Variants in REC114 observed in about 807,000 individuals in gnomAD.
REC114 encodes REC114 meiotic recombination protein, also known as meiotic recombination protein REC114.
REC114 carries 27 observed loss-of-function variants against 31.3 expected under a neutral mutation model. The observed-to-expected ratio is 0.86, with a 90% CI of 0.64 to 1.19. The LOEUF (loss-of-function observed/expected upper bound fraction) is 1.19. Ranked by LOEUF, REC114 falls within the 50% of genes most tolerant of loss-of-function variation. The pLI is 0.00. For missense variants in REC114, 344 were observed against 326.9 expected (o/e 1.05, Z -0.40); for synonymous variants, 134 against 127.7 (o/e 1.05, Z -0.33).
At chr15:73,522,867 G>A (rs949255835) in intron 2 of REC114, among the ~76,000 whole-genome samples, 1 of 152,280 alleles carries the variant, frequency 6.6e-6, no homozygotes. Flanking sequence ...GTTTTCCAAA[G>A]TGGTTGTACC....
chr15:73,536,906 A>T (rs897023151), intron 2 of REC114, among the ~76,000 whole-genome samples: 3 of 152,210 alleles, frequency 2.0e-5, no homozygotes, highest in Non-Finnish European at 4.4e-5. Context: ...TCAGGGGTAC[A>T]TGTGCAGGTT....
At chr15:73,545,345 C>T (rs1894294562) in intron 3 of REC114, among the ~76,000 whole-genome samples, 1 of 152,162 alleles carries the variant, frequency 6.6e-6, no homozygotes, top group African/African-American at 2.4e-5. Context: ...GCAAGAAGCT[C>T]TTTCTGACTT....
At chr15:73,541,216 G>A (rs1316643544) in intron 3 of REC114, among the ~76,000 whole-genome samples, 1 of 152,126 alleles carries the variant, frequency 6.6e-6, no homozygotes, top group Admixed American at 6.5e-5. Context: ...AATTCAGGGG[G>A]TCCATGAACT....
chr15:73,462,666 A>C (rs112838897), intron 1 of REC114, among the ~76,000 whole-genome samples: 1 of 152,118 alleles, frequency 6.6e-6, no homozygotes, highest in Admixed American at 6.5e-5. Context: ...CAGGCGGATC[A>C]TGAGGTCAGG....
At chr15:73,474,437 T>G (rs916905237) in intron 2 of REC114, among the ~76,000 whole-genome samples, 1 of 152,128 alleles carries the variant, frequency 6.6e-6, no homozygotes, top group African/African-American at 2.4e-5. Flanking sequence ...TCAACTTGGT[T>G]GAAAGTTTAG....
At chr15:73,472,998 A>G (rs970794608) in intron 1 of REC114, among the ~76,000 whole-genome samples, 2 of 152,142 alleles carry the variant, frequency 1.3e-5, no homozygotes, top group Admixed American at 6.6e-5. Flanking sequence ...ATTAGACTAC[A>G]CCAAGCAGAT....
intron 2 of REC114, among the ~76,000 whole-genome samples, chr15:73,510,940 G>A (rs1367000458): frequency 6.6e-6 from 1 of 152,192 alleles, no homozygotes; most frequent in Non-Finnish European, 1.5e-5. Context: ...TTTGGTATCA[G>A]GATGATGCTG....
Position 73,522,124 on chromosome 15 carries a change from C to A in REC114, c.250-18361C>A, listed in dbSNP as rs374071740. Among the ~76,000 whole-genome samples, 21 of 152,228 alleles carry A rather than the reference C, an allele frequency of 1.4e-4. No individual in the cohort carries two copies. In the South Asian group the frequency reaches 3.9e-3, roughly 29 times the overall value. The stretch of plus-strand genomic sequence containing the variant: ...AAAAGGCCCTTTTCAAAGAATCTGC[C>A]TGTCCTCCAGCCTCCTCTCCTTCCC... On this transcript the variant is annotated intron_variant, in intron 2 of 5. Coordinates refer to ENST00000331090, the MANE Select transcript of REC114 (RefSeq NM_001042367.2).
chr15:73,507,926 C>G (rs1388021029), intron 2 of REC114, among the ~76,000 whole-genome samples: 1 of 152,094 alleles, frequency 6.6e-6, no homozygotes, highest in East Asian at 1.9e-4. Flanking sequence ...TTCCAAGTAC[C>G]TAGGGTCATG....
At chr15:73,536,359 G>C (rs1213623569) in intron 2 of REC114, among the ~76,000 whole-genome samples, 3 of 152,214 alleles carry the variant, frequency 2.0e-5, no homozygotes, top group African/African-American at 7.2e-5. Context: ...AGCTCCAGTA[G>C]CAGAAGCTCC....
chr15:73,557,862 C>A (rs568348324), intron 5 of REC114, among the ~76,000 whole-genome samples: 1 of 152,248 alleles, frequency 6.6e-6, no homozygotes, highest in Admixed American at 6.5e-5. Context: ...TTGGTAAAAC[C>A]TTTTGGAAGG....
At chr15:73,450,454 A>C (rs1255578718) in intron 1 of REC114, among the ~76,000 whole-genome samples, 3 of 152,220 alleles carry the variant, frequency 2.0e-5, no homozygotes, top group African/African-American at 7.2e-5. Flanking sequence ...ATATATATGC[A>C]CCCAATACAG....
chr15:73,521,702 G>A (rs559718249), intron 2 of REC114, among the ~76,000 whole-genome samples: 4 of 152,260 alleles, frequency 2.6e-5, no homozygotes, highest in Non-Finnish European at 4.4e-5. Context: ...TTTATATCAT[G>A]TATTTGATTG....
At chr15:73,559,610 G>C in intron 5 of REC114, 142 bp from the exon 6 acceptor site, 1 of 587,368 alleles carries the variant, frequency 1.7e-6, no homozygotes, top group East Asian at 3.3e-5. Context: ...ACTATGTAAA[G>C]GAAGCCTGTA....
At chr15:73,549,882 T>C (rs1894364197) in intron 3 of REC114, among the ~76,000 whole-genome samples, 8 of 152,212 alleles carry the variant, frequency 5.3e-5, no homozygotes, top group Admixed American at 5.2e-4. Context: ...TCTAAATATA[T>C]GGCTTTACTT....
At chr15:73,460,404 A>G (rs1892974212) in intron 1 of REC114, among the ~76,000 whole-genome samples, 1 of 152,242 alleles carries the variant, frequency 6.6e-6, no homozygotes, top group African/African-American at 2.4e-5. Flanking sequence ...TGGTTAAAGC[A>G]TCTCTACTTA....
intron 1 of REC114, among the ~76,000 whole-genome samples, chr15:73,449,485 A>G (rs1316283193): frequency 1.3e-5 from 2 of 152,152 alleles, no homozygotes; most frequent in African/African-American, 2.4e-5. Context: ...TCCAAGAAAT[A>G]TGGGACTATG....
chr15:73,491,916 T>C (rs1232926329), intron 2 of REC114, among the ~76,000 whole-genome samples: 1 of 151,036 alleles, frequency 6.6e-6, no homozygotes, highest in Non-Finnish European at 1.5e-5. Context: ...AAAAAAAAAG[T>C]GATTGTACCA....
At chr15:73,546,817 G>GAA (rs11421177) in intron 3 of REC114, among the ~76,000 whole-genome samples, 1,417 of 115,758 alleles carry the variant, frequency 0.012, 26 homozygotes, top group African/African-American at 0.04. Flanking sequence ...TCTGTCTCAG[G>GAA]AAAAAAAAAA....
Sources: allele counts gnomAD v4.1 joint callset (sites outside exome capture counted in the v4.1 genomes callset), GRCh38; gene constraint gnomAD v4.1.1; transcripts MANE v1.5; gene names NCBI Gene and HGNC (gene_info 2026-07-23, HGNC 2026-07-21).